SPOCK1: variants seen among roughly 807,000 people sequenced by gnomAD.
The protein encoded by SPOCK1 is SPARC (osteonectin), cwcv and kazal like domains proteoglycan 1, also known as testican-1.
Under a neutral mutation model 55.3 loss-of-function variants are expected in SPOCK1, and 23 were observed. That is an observed-to-expected ratio of 0.42 (90% CI 0.30 to 0.59). The LOEUF (loss-of-function observed/expected upper bound fraction) is 0.59. Among genes scored for constraint, SPOCK1 ranks in the 20% least tolerant of loss-of-function variants. The pLI is 0.22. For missense variants in SPOCK1, 499 were observed against 552.5 expected (o/e 0.90, Z 0.97); for synonymous variants, 226 against 221.0 (o/e 1.02, Z -0.20).
intron 2 of SPOCK1, among the ~76,000 whole-genome samples, chr5:137,400,432 T>C (rs1751950336): frequency 6.6e-6 from 1 of 152,138 alleles, no homozygotes; most frequent in Non-Finnish European, 1.5e-5. Context: ...ACCACTGAAG[T>C]CTTCCAGGAG....
intron 6 of SPOCK1, among the ~76,000 whole-genome samples, chr5:137,044,692 T>C (rs1447356991): frequency 1.3e-5 from 2 of 151,894 alleles, no homozygotes; most frequent in African/African-American, 2.4e-5. Flanking sequence ...GTGCACATTG[T>C]GCAGGTTAGT....
rs976848000 is a variant in SPOCK1 at position 137,302,386 on chromosome 5, A to G, written c.187-35331T>C. Among the ~76,000 whole-genome samples the G allele has an allele frequency of 1.6e-3, 240 of 146,446 alleles. 1 individual carries two copies. Among genetic ancestry groups the G allele is most frequent in the Middle Eastern group, 7.0e-3 (2 of 286 alleles). ...AGATTGAGACCATCCTGGCCAACAC[A>G]GTGAAACCCCGTCTCTACTAAAAAT... On this transcript the variant is annotated intron_variant, in intron 2 of 10. Transcript: ENST00000394945.
chr5:137,112,336 G>A lies in SPOCK1; in HGVS notation c.474+99C>T, dbSNP rs561966861. The A allele has an allele frequency of 4.8e-6, 7 of 1,470,790 alleles. No individual in the cohort carries two copies. In the Admixed American group the frequency reaches 1.0e-4, roughly 21 times the overall value. 91.1% of individuals were successfully genotyped at this position (1,470,790 alleles called of 1,614,324 possible). A position where few individuals can be genotyped will look rare whatever the true frequency, so the allele number is the denominator to read the frequency against. On this transcript the variant is annotated intron_variant, in intron 5 of 10. Transcript: ENST00000394945. ...CAGCTTCTCAAGGGCAAGGCCTGGA[G>A]CCCACCACGCTTCCCAAGCCCCAGT...
At chr5:137,044,468 C>T (rs932833192) in intron 6 of SPOCK1, among the ~76,000 whole-genome samples, 1 of 152,172 alleles carries the variant, frequency 6.6e-6, no homozygotes, top group African/African-American at 2.4e-5. Flanking sequence ...GAGTTCAAAT[C>T]TTGGCTCTGC....
chr5:137,396,796 A>G (rs1751857981), intron 2 of SPOCK1, among the ~76,000 whole-genome samples: 1 of 152,180 alleles, frequency 6.6e-6, no homozygotes, highest in Admixed American at 6.5e-5. Flanking sequence ...ATACTTATTA[A>G]TCTCATGTGC....
At chr5:137,274,030 G>C (rs973480496) in intron 2 of SPOCK1, among the ~76,000 whole-genome samples, 4 of 152,172 alleles carry the variant, frequency 2.6e-5, no homozygotes, top group Non-Finnish European at 5.9e-5. Context: ...CATCCAAGCT[G>C]GGGTGGAGAG....
At chr5:137,071,429 G>T (rs1318955115) in intron 5 of SPOCK1, among the ~76,000 whole-genome samples, 1 of 152,208 alleles carries the variant, frequency 6.6e-6, no homozygotes, top group Non-Finnish European at 1.5e-5. Flanking sequence ...CCCCAGGGAA[G>T]GCAGCAGGAC....
intron 2 of SPOCK1, among the ~76,000 whole-genome samples, chr5:137,391,525 C>T (rs868119939): frequency 1.3e-5 from 2 of 152,138 alleles, no homozygotes; most frequent in African/African-American, 4.8e-5. Context: ...AGAATACCCT[C>T]TGGCTCCTGT....
At chr5:137,124,807 T>C (rs1753757152) in intron 4 of SPOCK1, among the ~76,000 whole-genome samples, 1 of 152,118 alleles carries the variant, frequency 6.6e-6, no homozygotes, top group African/African-American at 2.4e-5. Context: ...GAGCTGACTT[T>C]AGATGTGTGT....
intron 6 of SPOCK1, among the ~76,000 whole-genome samples, chr5:136,997,349 C>T (rs1009197655): frequency 3.9e-5 from 6 of 152,164 alleles, no homozygotes; most frequent in Non-Finnish European, 8.8e-5. Flanking sequence ...CACTACCTCC[C>T]ACCAGGACAA....
chr5:137,062,467 C>T (rs1752410847), intron 6 of SPOCK1, among the ~76,000 whole-genome samples: 1 of 151,508 alleles, frequency 6.6e-6, no homozygotes, highest in Admixed American at 6.6e-5. Context: ...GAAAAATCTA[C>T]CTTAAAGCCT....
chr5:137,209,918 G>A (rs1755581538), intron 3 of SPOCK1, among the ~76,000 whole-genome samples: 1 of 152,156 alleles, frequency 6.6e-6, no homozygotes, highest in African/African-American at 2.4e-5. Context: ...TAAGACTCAA[G>A]TACTTTCAGT....
At chr5:137,161,205 AC>A (rs1467227220) in intron 3 of SPOCK1, among the ~76,000 whole-genome samples, 1 of 150,966 alleles carries the variant, frequency 6.6e-6, no homozygotes. Context: ...GTGGGAAAAT[AC>A]TTCAAAGAAT....
intron 2 of SPOCK1, among the ~76,000 whole-genome samples, chr5:137,319,978 A>T (rs893956085): frequency 6.6e-6 from 1 of 150,778 alleles, no homozygotes; most frequent in Non-Finnish European, 1.5e-5. Flanking sequence ...AAAAAACAAC[A>T]CATGATCCAA....
rs535324454 is a variant in SPOCK1 at position 137,185,341 on chromosome 5, C to A, written c.233-44647G>T. On this transcript the variant is annotated intron_variant, in intron 3 of 10. Coordinates refer to ENST00000394945, the MANE Select transcript of SPOCK1 (RefSeq NM_004598.4). ...CCAAGACTGAGGCCAGAAGAACCTG[C>A]CACCAGAAGATAGCCACCAGCTGCC... Among the ~76,000 whole-genome samples the A allele has an allele frequency of 7.9e-5, 12 of 152,300 alleles. No individual in the cohort carries two copies. In the South Asian group the frequency reaches 1.7e-3, roughly 21 times the overall value.
At chr5:137,308,180 C>T (rs1356073820) in intron 2 of SPOCK1, among the ~76,000 whole-genome samples, 4 of 152,142 alleles carry the variant, frequency 2.6e-5, no homozygotes, top group Non-Finnish European at 2.9e-5. Flanking sequence ...GCAGGGCATG[C>T]AAAAGTACTA....
intron 2 of SPOCK1, among the ~76,000 whole-genome samples, chr5:137,439,533 C>T (rs1299793986): frequency 1.3e-5 from 2 of 152,162 alleles, no homozygotes; most frequent in Non-Finnish European, 2.9e-5. Flanking sequence ...CAGTCAGGCC[C>T]CTAGACTTCC....
chr5:137,423,816 G>A (rs898730357), intron 2 of SPOCK1, among the ~76,000 whole-genome samples: 8 of 152,200 alleles, frequency 5.3e-5, no homozygotes, highest in Non-Finnish European at 1.0e-4. Context: ...ACACTCCCCA[G>A]TGAGATGAAC....
At chr5:137,081,451 A>G (rs969207702) in intron 5 of SPOCK1, among the ~76,000 whole-genome samples, 2 of 152,244 alleles carry the variant, frequency 1.3e-5, no homozygotes, top group Admixed American at 1.3e-4. Context: ...CCAAGGTCAA[A>G]AAAAGCCATT....
Sources: allele counts gnomAD v4.1 joint callset (sites outside exome capture counted in the v4.1 genomes callset), GRCh38; gene constraint gnomAD v4.1.1; transcripts MANE v1.5; gene names NCBI Gene and HGNC (gene_info 2026-07-23, HGNC 2026-07-21).